Variants in TP63 observed in about 807,000 individuals in gnomAD.
TP63 encodes the protein tumor protein p63.
TP63 carries 17 observed loss-of-function variants against 82.8 expected under a neutral mutation model. The ratio of observed to expected loss-of-function variants is 0.21; its 90% CI spans 0.14 to 0.31. The LOEUF (loss-of-function observed/expected upper bound fraction) is 0.31. Among genes scored for constraint, TP63 ranks in the 10% least tolerant of loss-of-function variants. The probability of loss-of-function intolerance (pLI) is 1.00; values close to 1 mark genes in which losing one functional copy is unlikely to be tolerated. For synonymous variants in TP63, 330 were observed against 321.7 expected (o/e 1.03, Z -0.28); for missense variants, 648 against 895.3 (o/e 0.72, Z 3.52).
At position 189,889,496 on chromosome 3, in the gene TP63, G is replaced by C. The variant is rs1198750658; in HGVS notation, c.1652+12G>C. 6.2e-7 allele frequency: 1 copy of C among 1,614,048 alleles called. No homozygotes were observed. Among genetic ancestry groups the C allele is most frequent in the African/African-American group, 1.3e-5 (1 of 74,928 alleles). On this transcript the variant is annotated intron_variant, in intron 12 of 13. Transcript: ENST00000264731. Reference sequence around the variant, plus strand: ...TGCAGCATTGTCAGGTGAGTCCACAGCATGTGCCCCTGGGGGCCTGCCCTA... The same window carrying C: ...TGCAGCATTGTCAGGTGAGTCCACACCATGTGCCCCTGGGGGCCTGCCCTA...
chr3:189,625,467 C>T, the TP63 span, among the ~76,000 whole-genome samples: 1 of 151,116 alleles, frequency 6.6e-6, no homozygotes, highest in African/African-American at 2.4e-5. Context: ...AAAAAAAGGA[C>T]AACTGAATGC....
chr3:189,802,538 C>T (rs1048113612), intron 3 of TP63, among the ~76,000 whole-genome samples: 4 of 152,190 alleles, frequency 2.6e-5, no homozygotes, highest in Admixed American at 1.3e-4. Context: ...TCCTCAAATT[C>T]AGTCTCCTCA....
intron 4 of TP63, among the ~76,000 whole-genome samples, chr3:189,825,176 G>A (rs1729208695): frequency 6.6e-6 from 1 of 152,180 alleles, no homozygotes; most frequent in Non-Finnish European, 1.5e-5. Context: ...ACCTGTTTGT[G>A]TGTTAGTGCC....
intron 3 of TP63, among the ~76,000 whole-genome samples, chr3:189,750,895 TGC>T (rs1342428776): frequency 2.0e-5 from 3 of 152,220 alleles, no homozygotes; most frequent in African/African-American, 7.2e-5. Context: ...GGTATACATG[TGC>T]CATGTTGGTT....
chr3:189,803,806 G>T (rs1726578025), intron 3 of TP63, among the ~76,000 whole-genome samples: 1 of 152,176 alleles, frequency 6.6e-6, no homozygotes, highest in Admixed American at 6.5e-5. Flanking sequence ...TGGAATCACA[G>T]GAAATTATTT....
rs552342404 is a variant in TP63, at chr3:189,878,207, G to T, written c.1349+5212G>T. Among the ~76,000 whole-genome samples the T allele has an allele frequency of 4.6e-5, 7 of 152,100 alleles. No homozygotes were observed. In the South Asian group the frequency reaches 1.5e-3, roughly 32 times the overall value. ...CAATGTAGAAAAGAGAAAGGTACAC[G>T]GTCTCCAAACTGATAGAAAATGTCA... On this transcript the variant is annotated intron_variant, in intron 10 of 13. Transcript: ENST00000264731.
chr3:189,834,190 A>T (rs975621406), intron 4 of TP63, among the ~76,000 whole-genome samples: 1 of 152,102 alleles, frequency 6.6e-6, no homozygotes, highest in African/African-American at 2.4e-5. Context: ...CTTATGTAGA[A>T]ATTGGGGATG....
intron 1 of TP63, among the ~76,000 whole-genome samples, chr3:189,712,605 A>G (rs1338360265): frequency 1.3e-5 from 2 of 152,138 alleles, no homozygotes; most frequent in Non-Finnish European, 2.9e-5. Context: ...AGAGGCAGTA[A>G]TGATTTAATC....
upstream of TP63, among the ~76,000 whole-genome samples, chr3:189,627,549 A>C (rs1476480127): frequency 6.6e-6 from 1 of 152,226 alleles, no homozygotes; most frequent in Non-Finnish European, 1.5e-5. Context: ...AAAATTAAGT[A>C]AGAATAAAAA....
chr3:189,668,066 A>C (rs999954328), intron 1 of TP63, among the ~76,000 whole-genome samples: 2 of 152,122 alleles, frequency 1.3e-5, no homozygotes, highest in Admixed American at 6.6e-5. Context: ...ACAGGAAGAC[A>C]GAGTTTAGAA....
the TP63 span, among the ~76,000 whole-genome samples, chr3:189,615,654 A>G: frequency 2.6e-5 from 4 of 151,976 alleles, no homozygotes; most frequent in South Asian, 6.2e-4. Context: ...CTTGTCTCCA[A>G]TCTCCCCATT....
At chr3:189,840,644 A>G (rs1278599338) in intron 4 of TP63, among the ~76,000 whole-genome samples, 1 of 151,688 alleles carries the variant, frequency 6.6e-6, no homozygotes, top group Non-Finnish European at 1.5e-5. Context: ...GTGGATCACG[A>G]GGTCAGAAGT....
At chr3:189,873,284 T>C (rs1007230540) in intron 10 of TP63, 4 of 472,028 alleles carry the variant, frequency 8.5e-6, no homozygotes, top group African/African-American at 7.9e-5. Context: ...GCCTGGTCCA[T>C]ACACACTAAC....
At chr3:189,736,448 C>T (rs1039298719) in intron 1 of TP63, among the ~76,000 whole-genome samples, 1 of 152,024 alleles carries the variant, frequency 6.6e-6, no homozygotes, top group Non-Finnish European at 1.5e-5. Flanking sequence ...CCTGACCTTC[C>T]TAATTTTCAT....
chr3:189,710,642 A>G (rs2108753733), intron 1 of TP63, among the ~76,000 whole-genome samples: 1 of 152,278 alleles, frequency 6.6e-6, no homozygotes, highest in South Asian at 2.1e-4. Context: ...CCTATACTGC[A>G]ATTTCTCTAC....
intron 1 of TP63, among the ~76,000 whole-genome samples, chr3:189,697,233 G>A (rs9828430): frequency 0.09 from 12,727 of 142,086 alleles, 694 homozygotes; most frequent in South Asian, 0.15. Flanking sequence ...TCTAGGTTCA[G>A]TTTTTTTTTT....
intron 1 of TP63, among the ~76,000 whole-genome samples, chr3:189,694,434 G>A (rs1717185827): frequency 6.6e-6 from 1 of 152,078 alleles, no homozygotes; most frequent in African/African-American, 2.4e-5. Context: ...TAGCCATCAT[G>A]TTGCCTTAGG....
At chr3:189,646,167 T>C (rs1018393954) in intron 1 of TP63, among the ~76,000 whole-genome samples, 2 of 147,184 alleles carry the variant, frequency 1.4e-5, no homozygotes, top group African/African-American at 2.5e-5. Context: ...ACATGTGTAC[T>C]ATTGAATTTA....
At chr3:189,669,264 T>G (rs561296689) in intron 1 of TP63, among the ~76,000 whole-genome samples, 1 of 151,762 alleles carries the variant, frequency 6.6e-6, no homozygotes, top group African/African-American at 2.4e-5. Context: ...TGATTCTATG[T>G]CTAGTAAAAA....
Sources: gnomAD v4.1 joint callset for allele counts (sites outside exome capture counted in the v4.1 genomes callset) on GRCh38, gnomAD v4.1.1 for gene constraint, MANE v1.5 for transcripts, NCBI Gene and HGNC (gene_info 2026-07-23, HGNC 2026-07-21) for gene names.